ROBO1: variants seen among roughly 807,000 people sequenced by gnomAD.
The protein encoded by ROBO1 is roundabout guidance receptor 1.
Under a neutral mutation model 195.9 loss-of-function variants are expected in ROBO1, and 149 were observed. That is an observed-to-expected ratio of 0.76 (90% CI 0.67 to 0.87). ROBO1 has a LOEUF of 0.87. Among genes scored for constraint, ROBO1 ranks in the 40% least tolerant of loss-of-function variants. The pLI is 0.00. For missense variants in ROBO1, 1,933 were observed against 2,068.3 expected (o/e 0.93, Z 1.27); for synonymous variants, 816 against 733.2 (o/e 1.11, Z -1.82).
At chr3:78,674,023 C>CT (rs1430859399) in intron 10 of ROBO1, among the ~76,000 whole-genome samples, 1 of 151,966 alleles carries the variant, frequency 6.6e-6, no homozygotes, top group Non-Finnish European at 1.5e-5. Flanking sequence ...ACTGGCAAAT[C>CT]TTTTTTCTGT....
At chr3:79,018,315 G>C in intron 3 of ROBO1, 1 of 1,477,928 alleles carries the variant, frequency 6.8e-7, no homozygotes, top group East Asian at 2.3e-5. Flanking sequence ...GGAGGGAGGG[G>C]TAACCAAAAT....
At chr3:78,974,562 G>T (rs1195584152) in intron 3 of ROBO1, among the ~76,000 whole-genome samples, 1 of 152,096 alleles carries the variant, frequency 6.6e-6, no homozygotes. Flanking sequence ...ACTTGATCCT[G>T]GTTACTGCAT....
intron 1 of ROBO1, among the ~76,000 whole-genome samples, chr3:79,668,953 C>T (rs568495934): frequency 1.3e-5 from 2 of 151,960 alleles, no homozygotes; most frequent in Non-Finnish European, 2.9e-5. Flanking sequence ...ACATTTTGGT[C>T]AACATGTGTA....
At chr3:79,725,979 G>C (rs937206981) in intron 1 of ROBO1, among the ~76,000 whole-genome samples, 10 of 151,956 alleles carry the variant, frequency 6.6e-5, no homozygotes, top group African/African-American at 2.4e-4. Flanking sequence ...TGTAGCTCTG[G>C]AACTTTAAGA....
chr3:79,295,142 T>A (rs974719519), intron 2 of ROBO1, among the ~76,000 whole-genome samples: 1 of 152,158 alleles, frequency 6.6e-6, no homozygotes, highest in Non-Finnish European at 1.5e-5. Flanking sequence ...TAAAGACACA[T>A]GCATATGTAT....
At chr3:79,167,836 T>C (rs1158865751) in intron 2 of ROBO1, among the ~76,000 whole-genome samples, 1 of 152,208 alleles carries the variant, frequency 6.6e-6, no homozygotes, top group Admixed American at 6.5e-5. Flanking sequence ...GTTATTTGAA[T>C]GCATTGTACT....
rs187111375 is a variant in ROBO1, at chr3:79,462,172, C to T, written c.88+127652G>A. On this transcript the variant is annotated intron_variant, in intron 2 of 30. Coordinates refer to ENST00000464233, the MANE Select transcript of ROBO1 (RefSeq NM_002941.4). ...AGACACTTTTTTTCCAAGATGAGAA[C>T]CCTCATTCACCTCAGGAGTAGTCCC... Among the ~76,000 whole-genome samples the T allele has an allele frequency of 2.6e-3, 394 of 152,074 alleles. 2 individuals carry two copies. Among genetic ancestry groups the T allele is most frequent in the African/African-American group, 8.2e-3 (339 of 41,488 alleles).
intron 3 of ROBO1, among the ~76,000 whole-genome samples, chr3:79,048,427 T>C (rs1276795293): frequency 6.6e-6 from 1 of 152,138 alleles, no homozygotes; most frequent in Non-Finnish European, 1.5e-5. Context: ...CTCCCCTTTT[T>C]CTCTAACAGG....
At chr3:79,685,656 G>A (rs1293775716) in intron 1 of ROBO1, among the ~76,000 whole-genome samples, 1 of 152,124 alleles carries the variant, frequency 6.6e-6, no homozygotes, top group Non-Finnish European at 1.5e-5. Context: ...GCACGCTCCA[G>A]TGGCTACAAG....
At chr3:79,726,631 C>T (rs1029666814) in intron 1 of ROBO1, among the ~76,000 whole-genome samples, 1 of 152,066 alleles carries the variant, frequency 6.6e-6, no homozygotes, top group Non-Finnish European at 1.5e-5. Context: ...AGATTATTGG[C>T]ATTATCTCTA....
chr3:78,942,397 T>C lies in ROBO1; in HGVS notation c.173-3470A>G, dbSNP rs560402733. On this transcript the variant is annotated intron_variant, in intron 3 of 30. Transcript: ENST00000464233. ...AATCTCAAGATATTAATTCATAAAATCAACAGAGTCTAGCCACTTACAATA... is the reference window on the plus strand; with the variant it reads ...AATCTCAAGATATTAATTCATAAAACCAACAGAGTCTAGCCACTTACAATA... Among the ~76,000 whole-genome samples the C allele has an allele frequency of 8.5e-5, 13 of 152,088 alleles. No homozygotes were observed. The East Asian group carries it at 9.7e-4, about 11-fold the overall frequency.
intron 3 of ROBO1, among the ~76,000 whole-genome samples, chr3:78,963,867 A>G (rs2041535909): frequency 6.6e-6 from 1 of 152,202 alleles, no homozygotes; most frequent in African/African-American, 2.4e-5. Flanking sequence ...TTTAAAATAA[A>G]AAACAAAATA....
At chr3:78,699,712 G>T (rs952009712) in intron 8 of ROBO1, among the ~76,000 whole-genome samples, 1 of 151,976 alleles carries the variant, frequency 6.6e-6, no homozygotes, top group African/African-American at 2.4e-5. Context: ...TGGCCTTGCT[G>T]TGTAACAATT....
chr3:78,714,605 G>T, intron 7 of ROBO1, 81 bp from the exon 8 acceptor site: 1 of 1,258,994 alleles, frequency 7.9e-7, no homozygotes. Context: ...ATGCTTCAAA[G>T]CACATGCTAC....
intron 2 of ROBO1, among the ~76,000 whole-genome samples, chr3:79,431,639 T>C (rs1023708836): frequency 1.9e-4 from 29 of 152,202 alleles, no homozygotes; most frequent in African/African-American, 6.5e-4. Flanking sequence ...TTATTTCACA[T>C]ATGTACTTAT....
chr3:79,070,704 G>A (rs1460665884), intron 3 of ROBO1, among the ~76,000 whole-genome samples: 1 of 151,690 alleles, frequency 6.6e-6, no homozygotes, highest in African/African-American at 2.4e-5. Flanking sequence ...CTGGGACTCA[G>A]TGAATATCTT....
At chr3:79,155,702 G>C (rs1041030023) in intron 2 of ROBO1, among the ~76,000 whole-genome samples, 1 of 151,616 alleles carries the variant, frequency 6.6e-6, no homozygotes, top group African/African-American at 2.4e-5. Context: ...CCTGTTTTTT[G>C]AGTGAAGAGA....
rs551309006 is a variant in ROBO1, at chr3:78,763,754, C to T, written c.500-16854G>A. 2.6e-5 allele frequency among the ~76,000 whole-genome samples: 4 copies of T among 152,104 alleles called. No homozygotes were observed. In the East Asian group the frequency reaches 7.7e-4, roughly 29 times the overall value. The stretch of plus-strand genomic sequence containing the variant: ...TGAAACCACCTGTAAGCCTTTACTC[C>T]ACAAGAACTCCTTGGCCAACCTTCC... On this transcript the variant is annotated intron_variant, in intron 4 of 30. Coordinates refer to ENST00000464233, the MANE Select transcript of ROBO1 (RefSeq NM_002941.4).
chr3:79,402,154 T>C (rs1247790937), intron 2 of ROBO1, among the ~76,000 whole-genome samples: 1 of 151,960 alleles, frequency 6.6e-6, no homozygotes, highest in Non-Finnish European at 1.5e-5. Context: ...ATATGATTTA[T>C]GTGAGAATTA....
Sources: gnomAD v4.1 joint callset for allele counts (sites outside exome capture counted in the v4.1 genomes callset) on GRCh38, gnomAD v4.1.1 for gene constraint, MANE v1.5 for transcripts, NCBI Gene and HGNC (gene_info 2026-07-23, HGNC 2026-07-21) for gene names.